Variants in CBLB observed in about 807,000 individuals in gnomAD.
CBLB encodes E3 ubiquitin-protein ligase CBL-B.
A neutral mutation model predicts 104.9 loss-of-function variants in CBLB; 31 were observed. The ratio of observed to expected loss-of-function variants is 0.30; its 90% CI spans 0.22 to 0.40. The LOEUF (loss-of-function observed/expected upper bound fraction) is 0.40. Among genes scored for constraint, CBLB ranks in the 10% least tolerant of loss-of-function variants. The pLI, the probability that CBLB is intolerant of heterozygous loss-of-function variation, is 1.00. For synonymous variants in CBLB, 440 were observed against 422.6 expected (o/e 1.04, Z -0.51); for missense variants, 1,062 against 1,214.6 (o/e 0.87, Z 1.87).
chr3:105,858,435 C>T (rs1216811555), intron 2 of CBLB, among the ~76,000 whole-genome samples: 2 of 152,146 alleles, frequency 1.3e-5, no homozygotes, highest in Non-Finnish European at 2.9e-5. Flanking sequence ...AGCTCACCAC[C>T]AGGGTCAAGT....
At chr3:105,727,171 A>T (rs1221050907) in intron 9 of CBLB, among the ~76,000 whole-genome samples, 1 of 152,202 alleles carries the variant, frequency 6.6e-6, no homozygotes, top group Non-Finnish European at 1.5e-5. Context: ...TCTCATCAAC[A>T]GTGTAAAAGC....
chr3:105,845,260 C>T lies in CBLB; in HGVS notation c.419+8154G>A, dbSNP rs557997103. Among the ~76,000 whole-genome samples the T allele has an allele frequency of 3.5e-4, 53 of 151,096 alleles. 1 individual carries two copies. Among genetic ancestry groups the T allele is most frequent in the African/African-American group, 1.2e-3 (48 of 41,228 alleles). The stretch of plus-strand genomic sequence containing the variant: ...GGAAAAAAGTCCTCAATTTTAATAT[C>T]CAAATATCATATGTGCATAATATAT... On this transcript the variant is annotated intron_variant, in intron 3 of 18. Transcript: ENST00000394030.
intron 3 of CBLB, among the ~76,000 whole-genome samples, chr3:105,821,242 G>T (rs1205653721): frequency 1.4e-5 from 2 of 142,418 alleles, no homozygotes; most frequent in Non-Finnish European, 3.1e-5. Flanking sequence ...GTCCTTTAAA[G>T]ATCAGATATC....
chr3:105,776,072 T>C (rs1269840573), intron 4 of CBLB, among the ~76,000 whole-genome samples: 1 of 152,168 alleles, frequency 6.6e-6, no homozygotes, highest in East Asian at 1.9e-4. Flanking sequence ...ATTTTGTATA[T>C]TAAGTACATA....
chr3:105,691,883 T>C (rs936109897), intron 13 of CBLB, among the ~76,000 whole-genome samples: 5 of 152,200 alleles, frequency 3.3e-5, no homozygotes, highest in East Asian at 1.9e-4. Flanking sequence ...CTGTACTTCA[T>C]GAGTCATGAA....
intron 3 of CBLB, among the ~76,000 whole-genome samples, chr3:105,799,713 G>T (rs921947008): frequency 6.6e-6 from 1 of 151,962 alleles, no homozygotes. Context: ...ATAAACACAG[G>T]CATTTACAAT....
rs150590294 is a variant in CBLB, at chr3:105,726,972, T to C, written c.1204-6722A>G. 3.9e-3 allele frequency among the ~76,000 whole-genome samples: 598 copies of C among 152,342 alleles called. 2 individuals carry two copies. Among genetic ancestry groups the C allele is most frequent in the African/African-American group, 0.014 (570 of 41,578 alleles). On this transcript the variant is annotated intron_variant, in intron 9 of 18. Transcript: ENST00000394030. ...TATCATAGATGGACATTTGGGTTGG[T>C]TCCAAGTCTTTGCTCTTGTGAACAG...
intron 17 of CBLB, among the ~76,000 whole-genome samples, chr3:105,678,129 C>CT (rs2065873172): frequency 6.6e-6 from 1 of 152,166 alleles, no homozygotes; most frequent in African/African-American, 2.4e-5. Context: ...AGCCTAACCC[C>CT]TTAGCAGTTC....
intron 3 of CBLB, among the ~76,000 whole-genome samples, chr3:105,785,288 C>T (rs1379438383): frequency 2.0e-5 from 3 of 152,080 alleles, no homozygotes; most frequent in Non-Finnish European, 2.9e-5. Context: ...TAGGAATAGC[C>T]TATAAAATTA....
chr3:105,771,924 A>G (rs530779304), intron 4 of CBLB, among the ~76,000 whole-genome samples: 1 of 152,254 alleles, frequency 6.6e-6, no homozygotes, highest in African/African-American at 2.4e-5. Context: ...CTGCTCATGG[A>G]TGGGAAGAAT....
At chr3:105,743,797 T>TA (rs1655077378) in intron 6 of CBLB, among the ~76,000 whole-genome samples, 2 of 151,528 alleles carry the variant, frequency 1.3e-5, no homozygotes, top group South Asian at 2.1e-4. Flanking sequence ...GTTTTTTTTT[T>TA]ATTCATTAAG....
intron 14 of CBLB, among the ~76,000 whole-genome samples, chr3:105,684,101 A>T (rs2066681302): frequency 6.6e-6 from 1 of 152,236 alleles, no homozygotes; most frequent in Admixed American, 6.5e-5. Flanking sequence ...TGACCTCAAA[A>T]GGAAATGGCA....
intron 6 of CBLB, among the ~76,000 whole-genome samples, chr3:105,741,284 G>C (rs1464462435): frequency 2.0e-5 from 3 of 152,016 alleles, no homozygotes; most frequent in African/African-American, 7.2e-5. Context: ...CGCCTCCCAG[G>C]TTCAAGCGAT....
At chr3:105,681,394 T>C (rs142572156) in intron 16 of CBLB, 85 bp downstream of exon 16, 15 of 1,407,840 alleles carry the variant, frequency 1.1e-5, no homozygotes, top group African/African-American at 1.4e-5. Context: ...AGTGAGTCTG[T>C]GTTATACTGA....
At chr3:105,809,473 G>GA (rs1447519629) in intron 3 of CBLB, among the ~76,000 whole-genome samples, 7 of 152,208 alleles carry the variant, frequency 4.6e-5, no homozygotes, top group Admixed American at 4.6e-4. Flanking sequence ...AGCCACTCAT[G>GA]AGTCTACAAA....
At chr3:105,696,977 C>A (rs2068470325) in intron 12 of CBLB, among the ~76,000 whole-genome samples, 1 of 151,896 alleles carries the variant, frequency 6.6e-6, no homozygotes, top group Admixed American at 6.6e-5. Context: ...GACCCTCTTG[C>A]ATGAAGCTTT....
intron 3 of CBLB, among the ~76,000 whole-genome samples, chr3:105,809,237 T>C (rs1226105073): frequency 6.6e-6 from 1 of 152,246 alleles, no homozygotes. Context: ...AAAAGTATTA[T>C]GTATATAAAC....
intron 12 of CBLB, among the ~76,000 whole-genome samples, chr3:105,696,559 C>A (rs1426140284): frequency 6.6e-6 from 1 of 151,826 alleles, no homozygotes. Context: ...TCAACTGAAG[C>A]AGTTCACACT....
intron 18 of CBLB, among the ~76,000 whole-genome samples, chr3:105,668,935 A>G (rs992247962): frequency 6.6e-6 from 1 of 152,224 alleles, no homozygotes; most frequent in Non-Finnish European, 1.5e-5. Context: ...TTGAAATAAG[A>G]CAAAAGTTCA....
Sources: gnomAD v4.1 joint callset for allele counts (sites outside exome capture counted in the v4.1 genomes callset) on GRCh38, gnomAD v4.1.1 for gene constraint, MANE v1.5 for transcripts, NCBI Gene and HGNC (gene_info 2026-07-23, HGNC 2026-07-21) for gene names.